MEG3: variants seen among roughly 807,000 people sequenced by gnomAD.
MEG3 encodes the protein maternally expressed 3.
intron 2 of MEG3, among the ~76,000 whole-genome samples, chr14:100,843,473 C>T (rs919544949): frequency 2.0e-5 from 3 of 152,068 alleles, no homozygotes; most frequent in South Asian, 2.1e-4. Flanking sequence ...TAACCGAAGT[C>T]GGCCCCTCAG....
rs914413136 is a variant in MEG3 at position 100,837,646 on chromosome 14, T to G, written n.3045+1346T>G. ...AGCCATGTGCACGCATCAGCCCTTG[T>G]GCAGGCCTCCGCCCTCCGCCACCCC... is the stretch of plus-strand genomic sequence containing the variant. On this transcript the variant is annotated intron_variant and non_coding_transcript_variant, in intron 2 of 3. Coordinates refer to the MEG3 transcript ENST00000398461. The surrounding 1 kb of genome is among the most constrained non-coding windows in gnomAD (Gnocchi z 5.8). 2.0e-5 allele frequency among the ~76,000 whole-genome samples: 3 copies of G among 152,098 alleles called. No individual in the cohort carries two copies. The highest frequency in any genetic ancestry group is 4.4e-5 in the Non-Finnish European group (3 of 68,008).
exon 1 of MEG3, chr14:100,834,937 C>G (rs1595266325): frequency 7.4e-6 from 3 of 404,388 alleles, no homozygotes; most frequent in South Asian, 5.5e-5. Context: ...GCGGCCATCC[C>G]GTCATCCAAC....
intron 2 of MEG3, among the ~76,000 whole-genome samples, chr14:100,839,331 G>T (rs2037682628): frequency 6.6e-6 from 1 of 152,196 alleles, no homozygotes; most frequent in Non-Finnish European, 1.5e-5. Context: ...CCCAAGGACT[G>T]GTTCCCCCTC....
At chr14:100,830,385 C>CACACACACACACACA, downstream of MEG3, 2 of 139,290 alleles carry the variant, frequency 1.4e-5, no homozygotes, top group East Asian at 2.5e-4. Context: ...ACACACACAC[C>CACACACACACACACA]CCCTCGTGTA....
At chr14:100,844,440 G>C (rs2037852285) in intron 2 of MEG3, among the ~76,000 whole-genome samples, 1 of 152,044 alleles carries the variant, frequency 6.6e-6, no homozygotes, top group African/African-American at 2.4e-5. Flanking sequence ...GATTTTAAAA[G>C]CCATTCATTC....
chr14:100,834,345 G>A (rs2037488483), exon 1 of MEG3: 1 of 248,788 alleles, frequency 4.0e-6, no homozygotes, highest in African/African-American at 2.3e-5. Flanking sequence ...ACATTGGAAA[G>A]CCCGGAGAGG....
rs530499015 is a variant in MEG3 at position 100,838,635 on chromosome 14, G to A, written n.3045+2335G>A. ...GACCCTGTCACATCAGCGGAGGGCG[G>A]TGAGGGGTCTCTGGCCATTTGTCAT... On this transcript the variant is annotated intron_variant and non_coding_transcript_variant, in intron 2 of 3. Coordinates refer to the MEG3 transcript ENST00000398461. Among the ~76,000 whole-genome samples the A allele has an allele frequency of 3.9e-5, 6 of 152,296 alleles. No individual in the cohort carries two copies. The South Asian group carries it at 1.0e-3, about 26-fold the overall frequency.
exon 2 of MEG3, chr14:100,860,957 G>A (rs957242355): frequency 7.4e-5 from 24 of 322,588 alleles, no homozygotes; most frequent in African/African-American, 5.1e-4. Flanking sequence ...GCTGTGATGC[G>A]GTTCCAAAGC....
chr14:100,841,090 G>A (rs2037743714), intron 2 of MEG3, among the ~76,000 whole-genome samples: 1 of 152,194 alleles, frequency 6.6e-6, no homozygotes, highest in Non-Finnish European at 1.5e-5. Flanking sequence ...GCGAGAGAGG[G>A]GACGCTTCAG....
At chr14:100,827,965 T>C (rs1440540608) in intron 1 of MEG3, among the ~76,000 whole-genome samples, 1 of 152,066 alleles carries the variant, frequency 6.6e-6, no homozygotes, top group Non-Finnish European at 1.5e-5. Context: ...CACCTTCCTC[T>C]GGGGCTGGGG....
exon 1 of MEG3, chr14:100,857,257 G>T (rs190933530): frequency 6.6e-6 from 1 of 152,164 alleles, no homozygotes; most frequent in South Asian, 2.1e-4. Flanking sequence ...GTTAGAAAGC[G>T]CGTAGCCTTA....
intron 3 of MEG3, chr14:100,849,723 G>A (rs2038013913): frequency 6.6e-6 from 1 of 152,030 alleles, no homozygotes; most frequent in African/African-American, 2.4e-5. Context: ...TCCTGAAGAT[G>A]GATGAGATAA....
At chr14:100,853,246 T>C (rs568004336), upstream of MEG3, 1 of 152,206 alleles carries the variant, frequency 6.6e-6, no homozygotes, top group East Asian at 1.9e-4. Context: ...ATTTGCATGC[T>C]CCCCACACAC....
chr14:100,839,058 G>GT (rs1180666285), intron 2 of MEG3, among the ~76,000 whole-genome samples: 1 of 152,184 alleles, frequency 6.6e-6, no homozygotes, highest in Non-Finnish European at 1.5e-5. Flanking sequence ...ACTTAAGTGT[G>GT]TTTTTTATGA....
chr14:100,828,974 T>C (rs544084133), intron 2 of MEG3: 5 of 152,310 alleles, frequency 3.3e-5, no homozygotes, highest in African/African-American at 1.2e-4. Flanking sequence ...GAACTTAAAC[T>C]GTAATTATGA....
rs2037634449 is a variant in MEG3 at position 100,837,819 on chromosome 14, A to G, written n.3045+1519A>G. 6.6e-6 allele frequency among the ~76,000 whole-genome samples: 1 copy of G among 152,152 alleles called. No individual in the cohort carries two copies. Among genetic ancestry groups the G allele is most frequent in the African/African-American group, 2.4e-5 (1 of 41,432 alleles). On this transcript the variant is annotated intron_variant and non_coding_transcript_variant, in intron 2 of 3. Coordinates refer to the MEG3 transcript ENST00000398461. This position sits in a 1 kb window ranked among gnomAD's most constrained non-coding sequence, Gnocchi z 5.8. ...ATATTATTTTTAAACAAAATCTGGC[A>G]GCGTAGGCAGAGGGGGCAGAGGCGC... is the stretch of plus-strand genomic sequence containing the variant.
intron 2 of MEG3, among the ~76,000 whole-genome samples, chr14:100,840,825 A>G (rs1196219725): frequency 1.3e-5 from 2 of 152,230 alleles, no homozygotes; most frequent in African/African-American, 4.8e-5. Flanking sequence ...AGAGAGGTCC[A>G]GGATGGAAAG....
rs1339075579 is a variant in MEG3 at position 100,860,872 on chromosome 14, G to C, written n.3236G>C. 3 of 357,590 alleles carry C rather than the reference G, an allele frequency of 8.4e-6. No individual in the cohort carries two copies. The East Asian group carries it at 2.3e-4, about 27-fold the overall frequency. The allele number at this position is 357,590 out of a possible 1,614,324, so 22.2% of individuals were successfully genotyped here. On this transcript the variant is annotated non_coding_transcript_exon_variant, in exon 2 of 2. Coordinates refer to the MEG3 transcript ENST00000398460. Reference sequence around the variant, plus strand: ...CCCGCAGGAACCCTGAGGCCTAGGGGAGCTGTTGAGCCTTCAGTGTCTGCA... The same window carrying C: ...CCCGCAGGAACCCTGAGGCCTAGGGCAGCTGTTGAGCCTTCAGTGTCTGCA...
chr14:100,852,021 G>T (rs78555954), intron 3 of MEG3: 2 of 235,936 alleles, frequency 8.5e-6, no homozygotes, highest in Middle Eastern at 1.6e-3. Flanking sequence ...CTTAACAAGC[G>T]CCCGGAGCAG....
Sources: allele counts gnomAD v4.1 joint callset (sites outside exome capture counted in the v4.1 genomes callset), GRCh38; gene constraint gnomAD v4.1.1; non-coding constraint Gnocchi (gnomAD v3.1); transcripts MANE v1.5; gene names NCBI Gene and HGNC (gene_info 2026-07-23, HGNC 2026-07-21).